Variants in ZCCHC7 observed in about 807,000 individuals in gnomAD.
ZCCHC7 encodes the protein zinc finger CCHC domain-containing protein 7.
In ZCCHC7, 35 loss-of-function variants were observed where a neutral mutation model predicts 52.0. That is an observed-to-expected ratio of 0.67 (90% CI 0.51 to 0.89). The LOEUF (loss-of-function observed/expected upper bound fraction) is 0.89. Ranked by LOEUF, ZCCHC7 falls within the 40% of genes least tolerant of loss-of-function variation. The pLI is 0.00. For synonymous variants in ZCCHC7, 217 were observed against 221.5 expected (o/e 0.98, Z 0.18); for missense variants, 574 against 649.1 (o/e 0.88, Z 1.26).
At chr9:37,154,206 ACT>A (rs988925584) in intron 2 of ZCCHC7, among the ~76,000 whole-genome samples, 2 of 151,912 alleles carry the variant, frequency 1.3e-5, no homozygotes, top group African/African-American at 4.8e-5. Context: ...GATCTTGATT[ACT>A]CTTGAGAGTG....
At chr9:37,150,459 C>T (rs575550371) in intron 2 of ZCCHC7, among the ~76,000 whole-genome samples, 2 of 152,142 alleles carry the variant, frequency 1.3e-5, no homozygotes, top group East Asian at 3.9e-4. Flanking sequence ...TGTTTTAACC[C>T]ATTGTTCTTT....
chr9:37,284,350 T>G (rs1828111417), intron 2 of ZCCHC7: 1 of 152,230 alleles, frequency 6.6e-6, no homozygotes. Context: ...TTAACTGTTT[T>G]ATTTCTCTGT....
chr9:37,261,322 G>A (rs1034233799), intron 2 of ZCCHC7, among the ~76,000 whole-genome samples: 1 of 152,096 alleles, frequency 6.6e-6, no homozygotes, highest in African/African-American at 2.4e-5. Context: ...TATATGAAAG[G>A]TAAAGACGTC....
intron 2 of ZCCHC7, among the ~76,000 whole-genome samples, chr9:37,254,601 A>G (rs1826483901): frequency 6.6e-6 from 1 of 152,012 alleles, no homozygotes; most frequent in African/African-American, 2.4e-5. Context: ...ACTTACCTAT[A>G]AAAAGATTAC....
At chr9:37,239,920 G>C (rs1825808417) in intron 2 of ZCCHC7, among the ~76,000 whole-genome samples, 1 of 151,944 alleles carries the variant, frequency 6.6e-6, no homozygotes, top group Non-Finnish European at 1.5e-5. Context: ...AATATTGAAT[G>C]AAAACATATG....
chr9:37,214,007 T>C (rs1824375669), intron 2 of ZCCHC7, among the ~76,000 whole-genome samples: 1 of 151,798 alleles, frequency 6.6e-6, no homozygotes, highest in South Asian at 2.1e-4. Context: ...TGTGTATGTG[T>C]GTGTGTGTGT....
intron 2 of ZCCHC7, among the ~76,000 whole-genome samples, chr9:37,198,854 A>G (rs1284456475): frequency 6.6e-6 from 1 of 152,212 alleles, no homozygotes; most frequent in African/African-American, 2.4e-5. Context: ...AAGAGGCATC[A>G]AAGACTCGTG....
chr9:37,127,134 G>T (rs1038355172), intron 2 of ZCCHC7, among the ~76,000 whole-genome samples, 192 bp downstream of exon 2: 3 of 152,214 alleles, frequency 2.0e-5, no homozygotes, highest in African/African-American at 7.2e-5. Context: ...GTCAGAAAGA[G>T]TATGTCAGAA....
At chr9:37,161,624 C>A (rs1024582018) in intron 2 of ZCCHC7, among the ~76,000 whole-genome samples, 8 of 152,220 alleles carry the variant, frequency 5.3e-5, no homozygotes, top group Admixed American at 5.2e-4. Context: ...ATCACTGCTT[C>A]AAGGCCAGTG....
chr9:37,236,653 C>G (rs990449853), intron 2 of ZCCHC7, among the ~76,000 whole-genome samples: 1 of 152,058 alleles, frequency 6.6e-6, no homozygotes, highest in Non-Finnish European at 1.5e-5. Context: ...CTCAGCCTCC[C>G]AAAGTGCTGG....
chr9:37,233,703 C>G (rs1291966403), intron 2 of ZCCHC7, among the ~76,000 whole-genome samples: 1 of 151,954 alleles, frequency 6.6e-6, no homozygotes. Context: ...CACAGAATTA[C>G]TAGGAATGGC....
intron 2 of ZCCHC7, among the ~76,000 whole-genome samples, chr9:37,195,759 A>C (rs554311879): frequency 6.6e-6 from 1 of 152,314 alleles, no homozygotes; most frequent in East Asian, 1.9e-4. Context: ...AAGAGACACT[A>C]CCTACAAAGC....
rs1367483670 is a variant in ZCCHC7, at chr9:37,126,691, C to T, written c.359C>T (p.Ser120Phe). 4 of 1,614,086 alleles carry T rather than the reference C, an allele frequency of 2.5e-6. No homozygotes were observed. Among genetic ancestry groups the T allele is most frequent in the Non-Finnish European group, 3.4e-6 (4 of 1,180,006 alleles). ...VQAQENAHGLSSSLQSNELVD... is the reference protein window; with the variant it reads ...VQAQENAHGLFSSLQSNELVD... ...GCACAAGAAAATGCCCATGGTCTTT[C>T]TTCTTCTCTTCAATCTAATGAGCTG... The change falls in exon 2 of 9, where the codon TCT becomes TTT. Residue 120 changes from serine to phenylalanine, a missense_variant. Ser to Phe is a radical substitution (Grantham distance 155). Transcript: ENST00000336755.
rs991629972 is a variant in ZCCHC7, at chr9:37,120,595, G to C, written c.-50G>C. On this transcript the variant is annotated 5_prime_UTR_variant, in exon 1 of 9. Coordinates refer to ENST00000336755, the MANE Select transcript of ZCCHC7 (RefSeq NM_032226.3). The stretch of plus-strand genomic sequence containing the variant: ...GTCCCTCTACGCGTTTTGGTTCCCG[G>C]TTGGTGCTTCCTGTTCGCAGCTGCG... 2.5e-6 allele frequency: 1 copy of C among 398,916 alleles called. No homozygotes were observed. Among genetic ancestry groups the C allele is most frequent in the Non-Finnish European group, 4.4e-6 (1 of 226,092 alleles). The allele number at this position is 398,916 out of a possible 1,614,324, so 24.7% of individuals were successfully genotyped here.
At chr9:37,330,872 C>A (rs1305731023) in intron 6 of ZCCHC7, among the ~76,000 whole-genome samples, 1 of 151,480 alleles carries the variant, frequency 6.6e-6, no homozygotes, top group Non-Finnish European at 1.5e-5. Flanking sequence ...CAGAGTTTTA[C>A]AACCAACAGA....
At chr9:37,140,429 A>C (rs1328195979) in intron 2 of ZCCHC7, among the ~76,000 whole-genome samples, 1 of 152,014 alleles carries the variant, frequency 6.6e-6, no homozygotes, top group African/African-American at 2.4e-5. Context: ...GTGTTGTATA[A>C]TCATATTTTA....
At chr9:37,184,864 G>A (rs1822566628) in intron 2 of ZCCHC7, among the ~76,000 whole-genome samples, 1 of 152,070 alleles carries the variant, frequency 6.6e-6, no homozygotes, top group Non-Finnish European at 1.5e-5. Flanking sequence ...ACGTATGAAT[G>A]TTCTAAAATT....
intron 2 of ZCCHC7, among the ~76,000 whole-genome samples, chr9:37,226,519 A>T (rs1416437488): frequency 2.6e-5 from 4 of 152,232 alleles, no homozygotes; most frequent in African/African-American, 9.6e-5. Context: ...GAAGATTAGT[A>T]TGTAGATGTA....
At chr9:37,320,659 A>G (rs1420148634) in intron 5 of ZCCHC7, among the ~76,000 whole-genome samples, 1 of 152,174 alleles carries the variant, frequency 6.6e-6, no homozygotes, top group African/African-American at 2.4e-5. Flanking sequence ...AGTTAGATTT[A>G]TGTGTATTTA....
Sources: allele counts gnomAD v4.1 joint callset (sites outside exome capture counted in the v4.1 genomes callset), GRCh38; gene constraint gnomAD v4.1.1; transcripts MANE v1.5; gene names NCBI Gene and HGNC (gene_info 2026-07-23, HGNC 2026-07-21).